LY96: variants seen among roughly 807,000 people sequenced by gnomAD.
The protein encoded by LY96 is myeloid differentiation protein-2.
LY96 carries 18 observed loss-of-function variants against 18.9 expected under a neutral mutation model. The ratio of observed to expected loss-of-function variants is 0.95; its 90% CI spans 0.66 to 1.41. The LOEUF (loss-of-function observed/expected upper bound fraction) is 1.41, where lower values mean the gene tolerates loss of function less well. Ranked by LOEUF, LY96 falls within the 40% of genes most tolerant of loss-of-function variation. The pLI, the probability that LY96 is intolerant of heterozygous loss-of-function variation, is 0.00. For missense variants in LY96, 175 were observed against 182.4 expected (o/e 0.96, Z 0.23); for synonymous variants, 66 against 62.6 (o/e 1.06, Z -0.26).
chr8:74,032,493 G>A (rs184114661), downstream of LY96, among the ~76,000 whole-genome samples: 151 of 152,306 alleles, frequency 9.9e-4, no homozygotes, highest in African/African-American at 3.4e-3. Context: ...GCAGCCCCCT[G>A]TTACGTACCC....
chr8:74,022,989 C>T (rs537046054), intron 3 of LY96, among the ~76,000 whole-genome samples: 75 of 152,292 alleles, frequency 4.9e-4, no homozygotes, highest in Admixed American at 2.2e-3. Context: ...TCCAGGGCCC[C>T]ATATACGGAA....
At chr8:73,998,871 A>G (rs1816206570) in intron 1 of LY96, among the ~76,000 whole-genome samples, 1 of 152,026 alleles carries the variant, frequency 6.6e-6, no homozygotes, top group East Asian at 1.9e-4. Flanking sequence ...TATTGTTTTT[A>G]CTATAAAAGT....
rs1263847388 is a variant in LY96 at position 74,008,015 on chromosome 8, C to A, written c.203-1986C>A. Among the ~76,000 whole-genome samples, 5 of 152,306 alleles carry A rather than the reference C, an allele frequency of 3.3e-5. 1 individual carries two copies. The highest frequency in any genetic ancestry group is 3.4e-3 in the Middle Eastern group (1 of 294). On this transcript the variant is annotated intron_variant, in intron 2 of 4. Coordinates refer to ENST00000284818, the MANE Select transcript of LY96 (RefSeq NM_015364.5). ...CCTCAGGAGATCTGCCCGCCTTGGC[C>A]TCTCAAAGTGCTAGGATTACAGGCG...
At chr8:74,011,586 C>A (rs1488493897) in intron 3 of LY96, among the ~76,000 whole-genome samples, 1 of 152,106 alleles carries the variant, frequency 6.6e-6, no homozygotes, top group East Asian at 1.9e-4. Context: ...AGTGGCTAGG[C>A]GCAGTGGCTC....
chr8:73,996,965 G>A (rs1297708419), intron 1 of LY96, among the ~76,000 whole-genome samples: 2 of 152,004 alleles, frequency 1.3e-5, no homozygotes, highest in Non-Finnish European at 2.9e-5. Context: ...GGCTGGTCTC[G>A]AACTTCTGAC....
chr8:74,043,283 T>A, the LY96 span, among the ~76,000 whole-genome samples: 1 of 152,226 alleles, frequency 6.6e-6, no homozygotes. Flanking sequence ...GCTGAAGTGA[T>A]TCTCAGTGAA....
chr8:74,024,328 C>A (rs1342024215), intron 3 of LY96, among the ~76,000 whole-genome samples: 1 of 150,066 alleles, frequency 6.7e-6, no homozygotes, highest in African/African-American at 2.4e-5. Flanking sequence ...TGAGATAGAG[C>A]CTATTATTAT....
chr8:74,060,942 C>G, the LY96 span, among the ~76,000 whole-genome samples: 1 of 152,222 alleles, frequency 6.6e-6, no homozygotes, highest in East Asian at 1.9e-4. Context: ...AATACCATCC[C>G]TATTCAACAA....
the LY96 span, among the ~76,000 whole-genome samples, chr8:74,055,442 G>A: frequency 6.6e-6 from 1 of 152,102 alleles, no homozygotes; most frequent in African/African-American, 2.4e-5. Context: ...AGATTGTTAT[G>A]ATATTCAAAG....
intron 3 of LY96, among the ~76,000 whole-genome samples, chr8:74,021,508 T>G (rs1239249256): frequency 6.6e-6 from 1 of 152,246 alleles, no homozygotes; most frequent in Non-Finnish European, 1.5e-5. Context: ...TGGAAGACAG[T>G]GTGGCAATTC....
the LY96 span, among the ~76,000 whole-genome samples, chr8:74,060,096 A>G: frequency 6.6e-6 from 1 of 152,194 alleles, no homozygotes; most frequent in Admixed American, 6.5e-5. Flanking sequence ...GCAGTGAGCC[A>G]GGATCATGCC....
chr8:74,020,217 C>G (rs149075301), intron 3 of LY96, among the ~76,000 whole-genome samples: 6 of 152,320 alleles, frequency 3.9e-5, no homozygotes. Context: ...GCAGCTTCAG[C>G]AAAGTCTCAG....
chr8:74,069,128 G>T, the LY96 span, among the ~76,000 whole-genome samples: 8 of 152,150 alleles, frequency 5.3e-5, no homozygotes, highest in Non-Finnish European at 8.8e-5. Context: ...CAAGTCCTTT[G>T]TCAGATAAAT....
At chr8:74,064,374 G>A in the LY96 span, among the ~76,000 whole-genome samples, 2 of 152,318 alleles carry the variant, frequency 1.3e-5, no homozygotes, top group East Asian at 3.9e-4. Context: ...AGGTGTTCTA[G>A]TCATGGGAGG....
At chr8:74,046,578 CA>C in the LY96 span, among the ~76,000 whole-genome samples, 23 of 151,896 alleles carry the variant, frequency 1.5e-4, no homozygotes, top group East Asian at 4.3e-3. Context: ...ACCCCCCACG[CA>C]AAAAAACCCC....
chr8:74,047,965 T>G, the LY96 span, among the ~76,000 whole-genome samples: 1 of 152,154 alleles, frequency 6.6e-6, no homozygotes, highest in African/African-American at 2.4e-5. Flanking sequence ...AATCACAGCT[T>G]ACAGCTCACT....
the LY96 span, among the ~76,000 whole-genome samples, chr8:74,041,958 A>T: frequency 1.3e-5 from 2 of 152,018 alleles, no homozygotes; most frequent in Non-Finnish European, 2.9e-5. Flanking sequence ...TCCTTAATAA[A>T]ACTTGCTGGT....
In LY96 at chr8:74,029,019, G is replaced by C; in HGVS notation, c.448G>C (p.Glu150Gln). 6.2e-7 allele frequency: 1 copy of C among 1,611,774 alleles called. No homozygotes were observed. Residue 150 changes from glutamate to glutamine, a missense_variant, in exon 5 of 5, where the codon GAG (glutamate) becomes CAG (glutamine). Transcript: ENST00000284818. ...CCCAGAAGAAATGCTCTTTTGCTTG[G>C]AGTTTGTCATCCTACACCAACCTAA... ...GSPEEMLFCL[E>Q]FVILHQPNSN
intron 1 of LY96, among the ~76,000 whole-genome samples, chr8:73,994,744 C>G (rs1047729927): frequency 1.3e-5 from 2 of 152,180 alleles, no homozygotes; most frequent in African/African-American, 4.8e-5. Context: ...GCCTCAGCTT[C>G]CCAAAGTGCT....
Sources: allele counts gnomAD v4.1 joint callset (sites outside exome capture counted in the v4.1 genomes callset), GRCh38; gene constraint gnomAD v4.1.1; transcripts MANE v1.5; gene names NCBI Gene and HGNC (gene_info 2026-07-23, HGNC 2026-07-21).